The following FARP1 variants were observed in gnomAD, a reference collection of about 807,000 sequenced individuals.
FARP1 encodes the protein FERM, ARHGEF and pleckstrin domain-containing protein 1.
A neutral mutation model predicts 128.8 loss-of-function variants in FARP1; 52 were observed. The observed-to-expected ratio is 0.40, with a 90% confidence interval of 0.32 to 0.51. FARP1 has a LOEUF of 0.51. Among genes scored for constraint, FARP1 ranks in the 20% least tolerant of loss-of-function variants. The probability of loss-of-function intolerance (pLI) is 0.45; values close to 1 mark genes in which losing one functional copy is unlikely to be tolerated. For synonymous variants in FARP1, 580 were observed against 551.8 expected (o/e 1.05, Z -0.72); for missense variants, 1,333 against 1,367.9 (o/e 0.97, Z 0.40).
intron 13 of FARP1, chr13:98,405,724 G>A (rs1292166933): frequency 6.6e-6 from 1 of 152,140 alleles, no homozygotes; most frequent in Non-Finnish European, 1.5e-5. Flanking sequence ...TGCCTTAATA[G>A]CAGGTGCTTC....
At chr13:98,305,778 G>A (rs1249290784) in intron 2 of FARP1, among the ~76,000 whole-genome samples, 2 of 152,132 alleles carry the variant, frequency 1.3e-5, no homozygotes, top group African/African-American at 4.8e-5. Flanking sequence ...AAGGGCCAGT[G>A]TTGACGTTCC....
intron 2 of FARP1, among the ~76,000 whole-genome samples, chr13:98,338,150 C>A (rs1462290989): frequency 2.0e-5 from 3 of 152,200 alleles, no homozygotes; most frequent in Admixed American, 6.5e-5. Flanking sequence ...ACAAAACTTA[C>A]CGTTTTTACA....
intron 2 of FARP1, among the ~76,000 whole-genome samples, chr13:98,318,591 C>G (rs1323072667): frequency 6.6e-6 from 1 of 152,342 alleles, no homozygotes; most frequent in East Asian, 1.9e-4. Context: ...CTGAGGCACC[C>G]TGGCATCTCC....
intron 2 of FARP1, among the ~76,000 whole-genome samples, chr13:98,267,540 G>A (rs1884182060): frequency 1.3e-5 from 2 of 152,216 alleles, no homozygotes; most frequent in South Asian, 4.1e-4. Context: ...GGCTGCTGAT[G>A]AGGCCCGTGG....
rs56021612 is a variant in FARP1, at chr13:98,448,737, GTGTTTGTTTGTT to G, written c.*427_*438del. 1 of 157,484 alleles carries G rather than the reference GTGTTTGTTTGTT, an allele frequency of 6.3e-6. No homozygotes were observed. Among genetic ancestry groups the G allele is most frequent in the Non-Finnish European group, 1.4e-5 (1 of 71,874 alleles). 9.8% of individuals were successfully genotyped at this position (157,484 alleles called of 1,614,324 possible). On this transcript the variant is annotated 3_prime_UTR_variant, in exon 27 of 27. Transcript: ENST00000319562. The stretch of plus-strand genomic sequence containing the variant: ...TGCATTTTACGAAGTGGACTTCCCG[GTGTTTGTTTGTT>G]TGTTTGCAATACACTCAGTGCAGCC...
rs1231967355 is a variant in FARP1, at chr13:98,256,998, G to T, written c.171+43585G>T. ...ATATATATATATATATATACCGAAA[G>T]ATTTCCCTTCTGAAGGAAAGTTTGG... On this transcript the variant is annotated intron_variant, in intron 2 of 26. Transcript: ENST00000319562. Among the ~76,000 whole-genome samples the T allele has an allele frequency of 1.5e-4, 16 of 109,430 alleles. 1 individual carries two copies. The highest frequency in any genetic ancestry group is 4.8e-4 in the African/African-American group (15 of 31,578). The allele number at this position is 109,430 out of a possible 152,430, so 71.8% of individuals were successfully genotyped here. A position where few individuals can be genotyped will look rare whatever the true frequency, so the allele number is the denominator to read the frequency against.
intron 18 of FARP1, chr13:98,431,742 G>A: frequency 6.5e-6 from 1 of 153,504 alleles, no homozygotes. Context: ...TTACAGGCGT[G>A]AGCCACGGTG....
At chr13:98,307,580 C>G (rs1216698330) in intron 2 of FARP1, among the ~76,000 whole-genome samples, 1 of 152,152 alleles carries the variant, frequency 6.6e-6, no homozygotes, top group Non-Finnish European at 1.5e-5. Context: ...GCTCACAGCG[C>G]GTTCATGTCG....
chr13:98,445,702 C>T lies in FARP1; in HGVS notation c.2797-396C>T, dbSNP rs577342010. 419 of 157,588 alleles carry T rather than the reference C, an allele frequency of 2.7e-3. 3 individuals carry two copies. Among genetic ancestry groups the T allele is most frequent in the Non-Finnish European group, 4.9e-3 (352 of 71,308 alleles). 9.8% of individuals were successfully genotyped at this position (157,588 alleles called of 1,614,324 possible). A position where few individuals can be genotyped will look rare whatever the true frequency, so the allele number is the denominator to read the frequency against. ...CCTCGGTGTCACAGGGCACACCCCT[C>T]TCCCCTCAAGGTGGCTCTTCTCCTC... On this transcript the variant is annotated intron_variant, in intron 24 of 26. Transcript: ENST00000319562.
intron 2 of FARP1, among the ~76,000 whole-genome samples, chr13:98,230,092 G>T (rs913353349): frequency 6.6e-6 from 1 of 152,144 alleles, no homozygotes; most frequent in African/African-American, 2.4e-5. Flanking sequence ...ACTTGCTTTA[G>T]AGAAGTGGGC....
chr13:98,172,336 G>A (rs1877711251), intron 1 of FARP1, among the ~76,000 whole-genome samples: 1 of 152,016 alleles, frequency 6.6e-6, no homozygotes, highest in Non-Finnish European at 1.5e-5. Flanking sequence ...GGCGTCATGG[G>A]GGTTGGCACG....
At chr13:98,189,546 A>G (rs1879092394) in intron 1 of FARP1, among the ~76,000 whole-genome samples, 1 of 152,244 alleles carries the variant, frequency 6.6e-6, no homozygotes, top group Admixed American at 6.5e-5. Flanking sequence ...GAACTTGAGT[A>G]TATGATAAAT....
rs751301593 is a variant in FARP1, at chr13:98,410,799, G to A, written c.1668G>A (p.Leu556=). The A allele has an allele frequency of 6.3e-7, 1 of 1,590,450 alleles. No individual in the cohort carries two copies. Among genetic ancestry groups the A allele is most frequent in the East Asian group, 2.2e-5 (1 of 44,732 alleles). Residue 556 remains leucine, a synonymous_variant, in exon 15 of 27, where the codon CTG becomes CTA. Coordinates refer to ENST00000319562, the MANE Select transcript of FARP1 (RefSeq NM_005766.4). ...TGTCTACCACCGAGCGAACATATCTGAAGGATCTCGAAGTTATCACTTCGG... is the reference window on the plus strand; with the variant it reads ...TGTCTACCACCGAGCGAACATATCTAAAGGATCTCGAAGTTATCACTTCGG... ...KEVSTTERTY[L]KDLEVITSWF...
intron 16 of FARP1, among the ~76,000 whole-genome samples, chr13:98,415,355 A>G (rs1245235817): frequency 2.0e-5 from 3 of 152,232 alleles, no homozygotes; most frequent in Non-Finnish European, 4.4e-5. Flanking sequence ...CTAACAGTCT[A>G]TGATTCCTTG....
chr13:98,422,355 G>A (rs754513239), intron 16 of FARP1, among the ~76,000 whole-genome samples: 2 of 152,122 alleles, frequency 1.3e-5, no homozygotes, highest in Non-Finnish European at 2.9e-5. Context: ...GGAGAGATTC[G>A]TTTAATTAGC....
At chr13:98,317,189 C>CAG in intron 2 of FARP1, among the ~76,000 whole-genome samples, 1 of 152,064 alleles carries the variant, frequency 6.6e-6, no homozygotes, top group South Asian at 2.1e-4. Flanking sequence ...TTGCAGGTAC[C>CAG]AGAGAGAGAG....
intron 4 of FARP1, among the ~76,000 whole-genome samples, chr13:98,367,431 G>A (rs1889137299): frequency 6.6e-6 from 1 of 151,866 alleles, no homozygotes. Context: ...TGACAGGTGT[G>A]AGCCACCGCG....
chr13:98,250,629 G>A (rs1883277129), intron 2 of FARP1, among the ~76,000 whole-genome samples: 1 of 151,714 alleles, frequency 6.6e-6, no homozygotes, highest in Non-Finnish European at 1.5e-5. Flanking sequence ...GCTGAGGCAG[G>A]AGAATCGCTT....
At chr13:98,380,426 A>T (rs1481492703) in intron 6 of FARP1, among the ~76,000 whole-genome samples, 1 of 121,156 alleles carries the variant, frequency 8.3e-6, no homozygotes, top group Non-Finnish European at 2.0e-5. Context: ...GACTCTGTCT[A>T]AAAAAAAAAA....
Sources: gnomAD v4.1 joint callset for allele counts (sites outside exome capture counted in the v4.1 genomes callset) on GRCh38, gnomAD v4.1.1 for gene constraint, MANE v1.5 for transcripts, NCBI Gene and HGNC (gene_info 2026-07-23, HGNC 2026-07-21) for gene names.